The following MAPKAPK5 variants were observed in gnomAD, a reference collection of about 807,000 sequenced individuals.
The protein encoded by MAPKAPK5 is MAPK activated protein kinase 5, also known as MAP kinase-activated protein kinase 5.
Under a neutral mutation model 65.1 loss-of-function variants are expected in MAPKAPK5, and 30 were observed. The ratio of observed to expected loss-of-function variants is 0.46; its 90% CI spans 0.34 to 0.63. The LOEUF is 0.63. Ranked by LOEUF, MAPKAPK5 falls within the 20% of genes least tolerant of loss-of-function variation. The pLI, the probability that MAPKAPK5 is intolerant of heterozygous loss-of-function variation, is 0.01. For missense variants in MAPKAPK5, 433 were observed against 581.4 expected (o/e 0.74, Z 2.63); for synonymous variants, 179 against 204.6 (o/e 0.87, Z 1.07).
chr12:111,858,130 C>A (rs2069305465), intron 1 of MAPKAPK5, among the ~76,000 whole-genome samples: 1 of 152,102 alleles, frequency 6.6e-6, no homozygotes, highest in Admixed American at 6.6e-5. Flanking sequence ...GTCTTGAACT[C>A]CTGACTTCAA....
At position 111,842,318 on chromosome 12, in the gene MAPKAPK5, C is replaced by CGGCGGAGGCGGA. The variant is rs2068741035; in HGVS notation, c.-411_-400dup. 1 of 155,004 alleles carries CGGCGGAGGCGGA rather than the reference C, an allele frequency of 6.5e-6. No homozygotes were observed. Among genetic ancestry groups the CGGCGGAGGCGGA allele is most frequent in the African/African-American group, 2.4e-5 (1 of 41,438 alleles). The allele number at this position is 155,004 out of a possible 1,614,324, so 9.6% of individuals were successfully genotyped here. A position where few individuals can be genotyped will look rare whatever the true frequency, so the allele number is the denominator to read the frequency against. ...GGCTTCGGCTTCGCGGCGGTGCAGG[C>CGGCGGAGGCGGA]GGCGGAGGCGGAGGCGCAGGCTCTT... On this transcript the variant is annotated 5_prime_UTR_variant, in exon 1 of 14. Coordinates refer to ENST00000550735, the MANE Select transcript of MAPKAPK5 (RefSeq NM_003668.4).
chr12:111,855,720 G>C (rs2069212491), intron 1 of MAPKAPK5, among the ~76,000 whole-genome samples: 1 of 151,958 alleles, frequency 6.6e-6, no homozygotes, highest in Admixed American at 6.6e-5. Flanking sequence ...CCAGCTACTT[G>C]GGAAGCTGAG....
chr12:111,870,949 A>G, intron 6 of MAPKAPK5, 136 bp from the exon 7 acceptor site: 2 of 635,976 alleles, frequency 3.1e-6, no homozygotes, highest in Non-Finnish European at 2.8e-6. Context: ...ACCTGGGGAC[A>G]TGTTATTTTC....
intron 6 of MAPKAPK5, among the ~76,000 whole-genome samples, chr12:111,870,718 G>C (rs1417084383): frequency 6.6e-6 from 1 of 152,130 alleles, no homozygotes; most frequent in Non-Finnish European, 1.5e-5. Flanking sequence ...CAGATAAGTT[G>C]CTCTGTCTAT....
At chr12:111,876,396 G>A (rs1397834029) in intron 7 of MAPKAPK5, among the ~76,000 whole-genome samples, 1 of 151,650 alleles carries the variant, frequency 6.6e-6, no homozygotes, top group Non-Finnish European at 1.5e-5. Context: ...AAACCCCTGT[G>A]AAGACACTGC....
intron 10 of MAPKAPK5, 108 bp downstream of exon 10, chr12:111,886,144 C>A: frequency 6.9e-7 from 1 of 1,456,086 alleles, no homozygotes; most frequent in Non-Finnish European, 9.4e-7. Context: ...GTACACGATC[C>A]TTCCCAGAGA....
chr12:111,883,556 T>G lies in MAPKAPK5; in HGVS notation c.661-25T>G. ...TTGGGGGCTCTGCTTCTGCTGTGAG[T>G]GACCATTTTCTTTTTTGCTTTCAGA... On this transcript the variant is annotated intron_variant, in intron 8 of 13. Coordinates refer to ENST00000550735, the MANE Select transcript of MAPKAPK5 (RefSeq NM_003668.4). This position sits in a 1 kb window ranked among gnomAD's most constrained non-coding sequence, Gnocchi z 4.8. 6.2e-7 allele frequency: 1 copy of G among 1,607,398 alleles called. No homozygotes were observed. The highest frequency in any genetic ancestry group is 8.5e-7 in the Non-Finnish European group (1 of 1,176,248).
At chr12:111,866,108 C>A (rs2069599778) in intron 2 of MAPKAPK5, 48 bp from the exon 3 acceptor site, 2 of 1,381,286 alleles carry the variant, frequency 1.4e-6, no homozygotes, top group Non-Finnish European at 2.0e-6. Context: ...AATTAATTTT[C>A]ATTCTAACAT....
chr12:111,887,226 AAGG>A, intron 10 of MAPKAPK5, among the ~76,000 whole-genome samples: 1 of 152,166 alleles, frequency 6.6e-6, no homozygotes, highest in Non-Finnish European at 1.5e-5. Flanking sequence ...ATGGAAGAAA[AAGG>A]AGAACTGGAA....
rs372425522 is a variant in MAPKAPK5 at position 111,861,432 on chromosome 12, G to A, written c.37-3818G>A. Among the ~76,000 whole-genome samples the A allele has an allele frequency of 2.0e-5, 3 of 151,976 alleles. No individual in the cohort carries two copies. The East Asian group carries it at 5.9e-4, about 30-fold the overall frequency. ...CAACCTCCGCCTCCCAGGCTCAAGCGATTCTCCTGCCTCAACCTCCCAAGT... is the reference window on the plus strand; with the variant it reads ...CAACCTCCGCCTCCCAGGCTCAAGCAATTCTCCTGCCTCAACCTCCCAAGT... On this transcript the variant is annotated intron_variant, in intron 1 of 13. Transcript: ENST00000550735.
Position 111,867,586 on chromosome 12 carries a change from G to T in MAPKAPK5, c.201G>T (p.Met67Ile). Residue 67 changes from methionine (M) to isoleucine (I), a missense_variant, in exon 4 of 14, where the codon ATG becomes ATT. Coordinates refer to ENST00000550735, the MANE Select transcript of MAPKAPK5 (RefSeq NM_003668.4). ...PKARNEVRLH[M>I]MCATHPNIVQ... is the part of the protein sequence containing the mutation. ...TTCTCTTTAAGGTACGTCTGCACAT[G>T]ATGTGTGCCACACACCCAAACATAG... 1 of 1,613,582 alleles carries T rather than the reference G, an allele frequency of 6.2e-7. No individual in the cohort carries two copies. The highest frequency in any genetic ancestry group is 8.5e-7 in the Non-Finnish European group (1 of 1,179,524).
chr12:111,855,686 G>A (rs968875751), intron 1 of MAPKAPK5, among the ~76,000 whole-genome samples: 1 of 151,808 alleles, frequency 6.6e-6, no homozygotes, highest in Non-Finnish European at 1.5e-5. Context: ...AATTAGCTGG[G>A]CATGGTGGTG....
intron 13 of MAPKAPK5, among the ~76,000 whole-genome samples, chr12:111,891,565 G>A (rs2136161661): frequency 6.6e-6 from 1 of 150,802 alleles, no homozygotes; most frequent in East Asian, 2.0e-4. Context: ...AGGCCAAGGC[G>A]GGCGGATCAT....
In MAPKAPK5 at chr12:111,894,759, CGTGTATATGTGTGT is replaced by C. The variant is rs2070736115; in HGVS notation, c.*1703_*1716del. 1.6e-5 allele frequency: 2 copies of C among 127,124 alleles called. No homozygotes were observed. The allele number at this position is 127,124 out of a possible 1,614,324, so 7.9% of individuals were successfully genotyped here. On this transcript the variant is annotated 3_prime_UTR_variant, in exon 14 of 14. Transcript: ENST00000550735. The stretch of plus-strand genomic sequence containing the variant: ...TGGGTTTCCATAACAAACCAATTTT[CGTGTATATGTGTGT>C]GTGTGTGTGTGTGTGTGTGAAGCAG...
At chr12:111,874,878 G>A (rs1484327324) in intron 7 of MAPKAPK5, among the ~76,000 whole-genome samples, 4 of 149,672 alleles carry the variant, frequency 2.7e-5, no homozygotes, top group Non-Finnish European at 4.4e-5. Context: ...AGGTTCAAGC[G>A]ATTCTCCTTC....
chr12:111,888,818 T>A, intron 11 of MAPKAPK5, 67 bp from the exon 12 acceptor site: 1 of 1,580,282 alleles, frequency 6.3e-7, no homozygotes. Flanking sequence ...TGTTTAGAGG[T>A]AATATCTGTC....
intron 1 of MAPKAPK5, among the ~76,000 whole-genome samples, chr12:111,844,666 T>C (rs1056513537): frequency 6.6e-6 from 1 of 152,188 alleles, no homozygotes; most frequent in Non-Finnish European, 1.5e-5. Context: ...TCATGTAGCT[T>C]ATATTCTAGA....
Position 111,866,137 on chromosome 12 carries a change from T to A in MAPKAPK5, c.111-19T>A. On this transcript the variant is annotated intron_variant, in intron 2 of 13. Coordinates refer to ENST00000550735, the MANE Select transcript of MAPKAPK5 (RefSeq NM_003668.4). Reference sequence around the variant, plus strand: ...CTAACATATATGATCTCTGATTGATTTTTTTTCTCCAAATCTAGAGTCTGT... The same window carrying A: ...CTAACATATATGATCTCTGATTGATATTTTTTCTCCAAATCTAGAGTCTGT... 1 of 1,575,132 alleles carries A rather than the reference T, an allele frequency of 6.3e-7. No individual in the cohort carries two copies.
chr12:111,865,074 G>A (rs1013234505), intron 1 of MAPKAPK5, among the ~76,000 whole-genome samples, 176 bp from the exon 2 acceptor site: 4 of 152,222 alleles, frequency 2.6e-5, no homozygotes, highest in Admixed American at 1.3e-4. Context: ...CAATGTCTGA[G>A]TCATTGTCAT....
Sources: allele counts gnomAD v4.1 joint callset (sites outside exome capture counted in the v4.1 genomes callset), GRCh38; gene constraint gnomAD v4.1.1; non-coding constraint Gnocchi (gnomAD v3.1); transcripts MANE v1.5; gene names NCBI Gene and HGNC (gene_info 2026-07-23, HGNC 2026-07-21).